KHDC1: variants seen among roughly 807,000 people sequenced by gnomAD.
KHDC1 encodes KH homology domain-containing protein 1.
In KHDC1, 21 loss-of-function variants were observed where a neutral mutation model predicts 24.7. The ratio of observed to expected loss-of-function variants is 0.85; its 90% CI spans 0.60 to 1.23. KHDC1 has a LOEUF of 1.23. Among genes scored for constraint, KHDC1 ranks in the 50% most tolerant of loss-of-function variants. The probability of loss-of-function intolerance (pLI) is 0.00; values close to 1 mark genes in which losing one functional copy is unlikely to be tolerated. For missense variants in KHDC1, 274 were observed against 298.5 expected (o/e 0.92, Z 0.61); for synonymous variants, 98 against 111.7 (o/e 0.88, Z 0.77).
Position 73,308,700 on chromosome 6 carries a change from A to G in KHDC1, c.163+852T>C, listed in dbSNP as rs371216257. Among the ~76,000 whole-genome samples, 313 of 151,626 alleles carry G rather than the reference A, an allele frequency of 2.1e-3. 3 individuals carry two copies. In the Middle Eastern group the frequency reaches 0.031, roughly 15 times the overall value. ...TTTTTTGTAGAGACGGGGTTTCACC[A>G]TATTGCCCAGGCTGTGACTTCTGGG... On this transcript the variant is annotated intron_variant, in intron 1 of 4. Transcript: ENST00000370384.
intron 2 of KHDC1, among the ~76,000 whole-genome samples, chr6:73,267,518 A>T (rs890166101): frequency 6.6e-6 from 1 of 152,130 alleles, no homozygotes; most frequent in Admixed American, 6.6e-5. Context: ...AATGGAAAAG[A>T]CAAAATTGTT....
intron 2 of KHDC1, among the ~76,000 whole-genome samples, chr6:73,283,641 C>CTT (rs35786607): frequency 4.5e-5 from 6 of 134,110 alleles, no homozygotes; most frequent in African/African-American, 8.2e-5. Flanking sequence ...GGTTTTCATT[C>CTT]TTTTTTTTTT....
intron 2 of KHDC1, among the ~76,000 whole-genome samples, chr6:73,247,571 G>T (rs575387974): frequency 6.2e-4 from 94 of 152,048 alleles, no homozygotes; most frequent in Non-Finnish European, 9.6e-4. Context: ...CAATCAAGTG[G>T]ACGGCCGGGC....
chr6:73,295,410 A>G (rs1767739490), intron 1 of KHDC1, among the ~76,000 whole-genome samples: 1 of 152,194 alleles, frequency 6.6e-6, no homozygotes, highest in Non-Finnish European at 1.5e-5. Flanking sequence ...ATGCACTAAT[A>G]ACGAATCTAG....
chr6:73,292,139 A>G, intron 1 of KHDC1: 4 of 1,570,502 alleles, frequency 2.5e-6, no homozygotes, highest in Non-Finnish European at 2.6e-6. Context: ...TGCATACAAA[A>G]ACCTTTATTC....
intron 2 of KHDC1, among the ~76,000 whole-genome samples, chr6:73,243,972 A>G (rs1766621280): frequency 6.6e-6 from 1 of 152,186 alleles, no homozygotes; most frequent in Admixed American, 6.6e-5. Flanking sequence ...GAAAAGTCAT[A>G]TTATTCCTAT....
chr6:73,266,392 C>G (rs759122956), intron 2 of KHDC1, among the ~76,000 whole-genome samples: 12 of 152,164 alleles, frequency 7.9e-5, no homozygotes, highest in Non-Finnish European at 1.3e-4. Flanking sequence ...ATATAATAGG[C>G]ACTACTGCAT....
At chr6:73,290,662 G>T in intron 2 of KHDC1, 1 of 484,236 alleles carries the variant, frequency 2.1e-6, no homozygotes, top group Non-Finnish European at 4.1e-6. Context: ...TAGCTAGTGG[G>T]CTGTGCTGAA....
chr6:73,303,391 C>A (rs942868812), intron 1 of KHDC1, among the ~76,000 whole-genome samples: 1 of 152,074 alleles, frequency 6.6e-6, no homozygotes, highest in African/African-American at 2.4e-5. Context: ...TTGCCTCAGG[C>A]AAAATTGACC....
At chr6:73,285,226 T>C (rs1174212631) in intron 2 of KHDC1, among the ~76,000 whole-genome samples, 2 of 152,190 alleles carry the variant, frequency 1.3e-5, no homozygotes, top group African/African-American at 2.4e-5. Flanking sequence ...TACTTTTTAT[T>C]CATCATCTTT....
intron 2 of KHDC1, among the ~76,000 whole-genome samples, chr6:73,281,201 T>C (rs984475921): frequency 6.6e-6 from 1 of 152,064 alleles, no homozygotes; most frequent in Non-Finnish European, 1.5e-5. Context: ...TAGCCAGGCG[T>C]GGTGGCACAC....
chr6:73,260,828 T>G (rs1766966774), intron 2 of KHDC1, among the ~76,000 whole-genome samples: 1 of 152,234 alleles, frequency 6.6e-6, no homozygotes, highest in Non-Finnish European at 1.5e-5. Context: ...AGCATCTTTT[T>G]TATGTGGTCA....
chr6:73,254,478 A>G (rs1766843448), intron 2 of KHDC1, among the ~76,000 whole-genome samples: 1 of 138,682 alleles, frequency 7.2e-6, no homozygotes, highest in Non-Finnish European at 1.5e-5. Context: ...AAATAAATAA[A>G]TAAATAAATA....
intron 1 of KHDC1, chr6:73,299,963 C>G (rs1283803041): frequency 1.3e-5 from 2 of 152,224 alleles, no homozygotes; most frequent in Non-Finnish European, 2.9e-5. Context: ...TAGGCTGGTT[C>G]CCCACCTTCT....
At position 73,292,694 on chromosome 6, in the gene KHDC1, CCA is replaced by C. The variant is rs1325454547; in HGVS notation, c.164-656_164-655del. ...TACCAGCCACAGCATCTTAATGTGT[CCA>C]CACATTCTTCACTATTTGACTACAG... On this transcript the variant is annotated intron_variant, in intron 1 of 4. Coordinates refer to ENST00000370384, the Ensembl canonical transcript of KHDC1. 6 of 750,986 alleles carry C rather than the reference CCA, an allele frequency of 8.0e-6. No individual in the cohort carries two copies. The African/African-American group carries it at 1.0e-4, about 13-fold the overall frequency. The allele number at this position is 750,986 out of a possible 1,614,324, so 46.5% of individuals were successfully genotyped here. A position where few individuals can be genotyped will look rare whatever the true frequency, so the allele number is the denominator to read the frequency against.
At chr6:73,263,267 T>G (rs1048900031) in intron 2 of KHDC1, 71 bp from the exon 1 acceptor site, 2 of 985,392 alleles carry the variant, frequency 2.0e-6, no homozygotes, top group Non-Finnish European at 2.4e-6. Context: ...CCGCCTGCTC[T>G]GTGTAGGAGA....
intron 2 of KHDC1, among the ~76,000 whole-genome samples, chr6:73,278,798 T>A (rs1767350115): frequency 6.6e-6 from 1 of 152,210 alleles, no homozygotes; most frequent in Non-Finnish European, 1.5e-5. Context: ...TCAGTTATAT[T>A]CATGGTTTCT....
At chr6:73,293,866 C>T (rs977937318) in intron 1 of KHDC1, among the ~76,000 whole-genome samples, 2 of 151,966 alleles carry the variant, frequency 1.3e-5, no homozygotes, top group Non-Finnish European at 2.9e-5. Context: ...ATTAGCCGGG[C>T]ATGATGGTGC....
At chr6:73,287,195 T>C (rs1481622913) in intron 2 of KHDC1, among the ~76,000 whole-genome samples, 1 of 152,182 alleles carries the variant, frequency 6.6e-6, no homozygotes, top group Non-Finnish European at 1.5e-5. Context: ...CTAAGTTCAG[T>C]AGTGGCTCTT....
Sources: gnomAD v4.1 joint callset for allele counts (sites outside exome capture counted in the v4.1 genomes callset) on GRCh38, gnomAD v4.1.1 for gene constraint, MANE v1.5 for transcripts, NCBI Gene and HGNC (gene_info 2026-07-23, HGNC 2026-07-21) for gene names.